NAV2: variants seen among roughly 807,000 people sequenced by gnomAD.
NAV2 encodes helicase, APC down-regulated 1.
In NAV2, 54 loss-of-function variants were observed where a neutral mutation model predicts 223.2. That is an observed-to-expected ratio of 0.24 (90% CI 0.19 to 0.30). The LOEUF (loss-of-function observed/expected upper bound fraction) is 0.30, where lower values mean the gene tolerates loss of function less well. NAV2 is among the 10% of genes least tolerant of loss of function. The probability of loss-of-function intolerance (pLI) is 1.00; values close to 1 mark genes in which losing one functional copy is unlikely to be tolerated. For missense variants in NAV2, 2,806 were observed against 3,147.5 expected, an observed-to-expected ratio of 0.89 and a Z score of 2.60; for synonymous variants, 1,279 against 1,239.3, an observed-to-expected ratio of 1.03 and a Z score of -0.67.
chr11:19,387,167 T>C (rs2702681), intron 1 of NAV2, among the ~76,000 whole-genome samples: 12,720 of 152,222 alleles, frequency 0.084, 1,797 homozygotes, highest in African/African-American at 0.29. Context: ...AGTTGATTGG[T>C]TCACGTTAAT....
chr11:20,107,491 C>G (rs1437923254), intron 35 of NAV2, 173 bp from the exon 36 acceptor site: 7 of 634,706 alleles, frequency 1.1e-5, no homozygotes, highest in Admixed American at 7.7e-5. Context: ...ATCAGAGTGT[C>G]CTTCTCTGTG....
intron 1 of NAV2, among the ~76,000 whole-genome samples, chr11:19,829,842 G>C (rs915677467): frequency 6.6e-6 from 1 of 152,144 alleles, no homozygotes; most frequent in Admixed American, 6.5e-5. Flanking sequence ...TCATTTTACA[G>C]GTGAGTAAAC....
At chr11:19,691,708 C>A (rs1044468396) in intron 1 of NAV2, among the ~76,000 whole-genome samples, 1 of 152,140 alleles carries the variant, frequency 6.6e-6, no homozygotes, top group Non-Finnish European at 1.5e-5. Flanking sequence ...GGGTTTTTCC[C>A]ACTGTGGCAT....
At chr11:19,663,021 G>T (rs549094464) in intron 1 of NAV2, among the ~76,000 whole-genome samples, 10 of 152,162 alleles carry the variant, frequency 6.6e-5, no homozygotes, top group Non-Finnish European at 1.3e-4. Flanking sequence ...TAAGCCATTT[G>T]CCTAGTCCCC....
At chr11:19,515,789 G>A (rs1375737427) in intron 1 of NAV2, among the ~76,000 whole-genome samples, 3 of 152,204 alleles carry the variant, frequency 2.0e-5, no homozygotes, top group South Asian at 2.1e-4. Context: ...GTGGAAGCAG[G>A]GTGGGGTGGG....
intron 2 of NAV2, among the ~76,000 whole-genome samples, chr11:19,841,800 A>G (rs548215427): frequency 6.6e-6 from 1 of 152,288 alleles, no homozygotes; most frequent in East Asian, 1.9e-4. Flanking sequence ...CAAAAGGACA[A>G]TTTTTATATA....
At chr11:19,378,542 G>A (rs1212359236) in intron 1 of NAV2, among the ~76,000 whole-genome samples, 1 of 151,550 alleles carries the variant, frequency 6.6e-6, no homozygotes, top group Non-Finnish European at 1.5e-5. Flanking sequence ...CTCACTATTT[G>A]TGGTGATAGG....
chr11:19,690,638 C>A (rs2049148181), intron 1 of NAV2, among the ~76,000 whole-genome samples: 1 of 152,160 alleles, frequency 6.6e-6, no homozygotes, highest in Non-Finnish European at 1.5e-5. Context: ...GGTTCCCCAC[C>A]ATATGTGAAT....
chr11:19,830,155 G>C (rs2059853415), intron 1 of NAV2, among the ~76,000 whole-genome samples: 1 of 152,158 alleles, frequency 6.6e-6, no homozygotes, highest in Middle Eastern at 3.2e-3. Context: ...AACCCGGGAG[G>C]CGGAGGTTGC....
intron 1 of NAV2, among the ~76,000 whole-genome samples, chr11:19,605,181 G>A (rs1309132286): frequency 1.3e-5 from 2 of 152,262 alleles, no homozygotes; most frequent in East Asian, 3.9e-4. Flanking sequence ...TTTTTGAAAG[G>A]TCCAGGGGAG....
At position 19,922,250 on chromosome 11, in the gene NAV2, C is replaced by T. The variant is rs191875017; in HGVS notation, c.932-10926C>T. ...ACTGCTCTGGCAGGTGTTGCTGTAACTTTTTTTTTTTTCTTTGCCTCCCAG... is the reference window on the plus strand; with the variant it reads ...ACTGCTCTGGCAGGTGTTGCTGTAATTTTTTTTTTTTTCTTTGCCTCCCAG... On this transcript the variant is annotated intron_variant, in intron 6 of 37. Transcript: ENST00000349880. Among the ~76,000 whole-genome samples the T allele has an allele frequency of 5.0e-3, 735 of 147,420 alleles. 12 individuals carry two copies. The highest frequency in any genetic ancestry group is 4.7e-3 in the Non-Finnish European group (311 of 66,404).
intron 1 of NAV2, among the ~76,000 whole-genome samples, chr11:19,433,598 A>G (rs1851109498): frequency 6.6e-6 from 1 of 152,224 alleles, no homozygotes; most frequent in Admixed American, 6.5e-5. Flanking sequence ...CAAAACCCCC[A>G]TCTGCTCAAC....
chr11:19,872,849 G>A (rs1026740990), intron 4 of NAV2, among the ~76,000 whole-genome samples: 2 of 152,224 alleles, frequency 1.3e-5, no homozygotes, highest in African/African-American at 4.8e-5. Context: ...CCCTGGACTA[G>A]GCCTCCCTGC....
intron 1 of NAV2, among the ~76,000 whole-genome samples, chr11:19,354,119 A>G (rs889625427): frequency 1.1e-4 from 16 of 152,202 alleles, no homozygotes; most frequent in African/African-American, 3.6e-4. Context: ...TTGATATTAC[A>G]TAATTCCAGT....
At position 20,007,111 on chromosome 11, in the gene NAV2, C is replaced by T. The variant is rs2053150682; in HGVS notation, c.2768+22864C>T. 2.6e-5 allele frequency among the ~76,000 whole-genome samples: 4 copies of T among 152,228 alleles called. No individual in the cohort carries two copies. In the South Asian group the frequency reaches 6.2e-4, roughly 24 times the overall value. ...AGTTGGGACTACAGGTATGCACCAC[C>T]ATGCCCGGCTAATTTTTGTATTTTT... On this transcript the variant is annotated intron_variant, in intron 11 of 37. Coordinates refer to ENST00000349880, the MANE Select transcript of NAV2 (RefSeq NM_145117.5).
At chr11:19,590,370 G>A (rs1266177483) in intron 1 of NAV2, among the ~76,000 whole-genome samples, 1 of 152,118 alleles carries the variant, frequency 6.6e-6, no homozygotes, top group African/African-American at 2.4e-5. Context: ...GAGCTCTTCT[G>A]GCTGGAAGGT....
At chr11:20,074,196 T>C (rs1056997985) in intron 22 of NAV2, among the ~76,000 whole-genome samples, 7 of 152,216 alleles carry the variant, frequency 4.6e-5, no homozygotes, top group Non-Finnish European at 7.3e-5. Flanking sequence ...ATGTACCCAG[T>C]AGTCATTCAG....
At chr11:19,615,361 A>T (rs2046761347) in intron 1 of NAV2, among the ~76,000 whole-genome samples, 1 of 152,020 alleles carries the variant, frequency 6.6e-6, no homozygotes, top group South Asian at 2.1e-4. Context: ...TATTTGTAAA[A>T]TGGGGATAAT....
At chr11:19,535,789 C>T (rs971475154) in intron 1 of NAV2, among the ~76,000 whole-genome samples, 9 of 152,110 alleles carry the variant, frequency 5.9e-5, no homozygotes, top group Non-Finnish European at 4.4e-5. Context: ...CGCCCAACAG[C>T]GTGGGGATCC....
Sources: allele counts gnomAD v4.1 joint callset (sites outside exome capture counted in the v4.1 genomes callset), GRCh38; gene constraint gnomAD v4.1.1; transcripts MANE v1.5; gene names NCBI Gene and HGNC (gene_info 2026-07-23, HGNC 2026-07-21).